Variants in OPCML observed in about 807,000 individuals in gnomAD.
OPCML encodes opioid-binding protein/cell adhesion molecule.
In OPCML, 13 loss-of-function variants were observed where a neutral mutation model predicts 37.8. The ratio of observed to expected loss-of-function variants is 0.34; its 90% CI spans 0.22 to 0.55. The LOEUF is 0.55. Among genes scored for constraint, OPCML ranks in the 20% least tolerant of loss-of-function variants. The pLI is 0.91. For synonymous variants in OPCML, 176 were observed against 168.8 expected, an observed-to-expected ratio of 1.04 and a Z score of -0.33; for missense variants, 341 against 435.6, an observed-to-expected ratio of 0.78 and a Z score of 1.93.
intron 2 of OPCML, among the ~76,000 whole-genome samples, chr11:132,758,747 C>T (rs1200458057): frequency 2.6e-5 from 4 of 152,276 alleles, no homozygotes; most frequent in South Asian, 4.1e-4. Flanking sequence ...CATCTGCAAA[C>T]GGAGACATTT....
chr11:133,124,079 C>T (rs1276664651), intron 1 of OPCML, among the ~76,000 whole-genome samples: 1 of 151,732 alleles, frequency 6.6e-6, no homozygotes, highest in Admixed American at 6.6e-5. Context: ...AGGTGGGTAC[C>T]CAATGGAGAG....
At chr11:133,319,887 GAGT>G (rs975835368) in intron 1 of OPCML, among the ~76,000 whole-genome samples, 8 of 152,180 alleles carry the variant, frequency 5.3e-5, no homozygotes, top group African/African-American at 1.9e-4. Context: ...TAATTTATTT[GAGT>G]AGTTCAGAAA....
intron 2 of OPCML, among the ~76,000 whole-genome samples, chr11:132,892,794 A>G (rs12222239): frequency 0.16 from 23,881 of 152,096 alleles, 2,549 homozygotes; most frequent in African/African-American, 0.3. Context: ...TTCCAATAAT[A>G]TGTGTGACTG....
chr11:133,375,581 C>T (rs776559328), intron 1 of OPCML, among the ~76,000 whole-genome samples: 2 of 152,118 alleles, frequency 1.3e-5, no homozygotes, highest in Non-Finnish European at 2.9e-5. Flanking sequence ...GATGTGATCT[C>T]GTTGTATAGC....
chr11:132,821,520 A>G (rs1939984734), intron 2 of OPCML, among the ~76,000 whole-genome samples: 1 of 152,238 alleles, frequency 6.6e-6, no homozygotes, highest in Non-Finnish European at 1.5e-5. Flanking sequence ...TCCCTCCTGG[A>G]AAGACTGGAA....
chr11:133,310,421 C>A (rs1459420444), intron 1 of OPCML, among the ~76,000 whole-genome samples: 1 of 152,094 alleles, frequency 6.6e-6, no homozygotes, highest in Non-Finnish European at 1.5e-5. Flanking sequence ...AAAGGCATTT[C>A]CCTTAGTTTA....
At chr11:132,514,603 G>A (rs1169080024) in intron 4 of OPCML, among the ~76,000 whole-genome samples, 1 of 152,138 alleles carries the variant, frequency 6.6e-6, no homozygotes, top group African/African-American at 2.4e-5. Flanking sequence ...TCCTTAGACA[G>A]AATCAGAGGT....
chr11:133,285,005 C>T (rs974320437), intron 1 of OPCML, among the ~76,000 whole-genome samples: 5 of 151,798 alleles, frequency 3.3e-5, no homozygotes, highest in African/African-American at 4.8e-5. Context: ...ACTTACAACT[C>T]TATATGTTAC....
At chr11:133,078,490 A>G (rs918256535) in intron 1 of OPCML, among the ~76,000 whole-genome samples, 8 of 152,224 alleles carry the variant, frequency 5.3e-5, no homozygotes, top group Non-Finnish European at 8.8e-5. Context: ...AAAGAAAGGA[A>G]TATGTTTCAG....
intron 1 of OPCML, among the ~76,000 whole-genome samples, chr11:133,320,372 C>T (rs1366480274): frequency 6.6e-6 from 1 of 152,146 alleles, no homozygotes; most frequent in African/African-American, 2.4e-5. Flanking sequence ...GGTTTTGGGT[C>T]CTAAATTTGC....
chr11:133,403,397 G>A (rs1327026096), intron 1 of OPCML, among the ~76,000 whole-genome samples: 4 of 152,130 alleles, frequency 2.6e-5, no homozygotes, highest in African/African-American at 7.2e-5. Flanking sequence ...ATGAGTAAAC[G>A]TCTGTTCAAG....
chr11:132,612,590 G>A (rs1938722020), intron 3 of OPCML, among the ~76,000 whole-genome samples: 1 of 152,114 alleles, frequency 6.6e-6, no homozygotes, highest in African/African-American at 2.4e-5. Context: ...GCAGGGCAAG[G>A]ACATAAGACA....
chr11:133,289,594 CAAAAAAAAAAAA>C (rs1229577687), intron 1 of OPCML, among the ~76,000 whole-genome samples: 10 of 52,292 alleles, frequency 1.9e-4, no homozygotes, highest in African/African-American at 7.5e-4. Flanking sequence ...GACTCCATCT[CAAAAAAAAAAAA>C]AAAAAAAAAA....
chr11:133,403,371 C>A (rs1409489451), intron 1 of OPCML, among the ~76,000 whole-genome samples: 8 of 152,186 alleles, frequency 5.3e-5, no homozygotes, highest in African/African-American at 1.9e-4. Context: ...CACAACAGGC[C>A]ATTTGATAAA....
intron 1 of OPCML, among the ~76,000 whole-genome samples, chr11:133,240,212 C>CAA (rs35643678): frequency 0.023 from 1,499 of 65,456 alleles, 45 homozygotes; most frequent in South Asian, 0.038. Flanking sequence ...ACACTTGGGG[C>CAA]AAAAAAAAAA....
At chr11:133,436,355 G>C (rs1039019166) in intron 1 of OPCML, among the ~76,000 whole-genome samples, 3 of 152,188 alleles carry the variant, frequency 2.0e-5, no homozygotes, top group African/African-American at 7.2e-5. Context: ...GAGGCAACGG[G>C]TAAGGAACCG....
intron 1 of OPCML, among the ~76,000 whole-genome samples, chr11:133,401,052 T>C (rs1259287647): frequency 1.3e-5 from 2 of 152,186 alleles, no homozygotes; most frequent in Non-Finnish European, 2.9e-5. Flanking sequence ...CGAGTCTACA[T>C]AGCAGCAATT....
At chr11:132,841,441 C>T (rs1941281833) in intron 2 of OPCML, among the ~76,000 whole-genome samples, 1 of 152,126 alleles carries the variant, frequency 6.6e-6, no homozygotes, top group Non-Finnish European at 1.5e-5. Context: ...TGCCAAGGCC[C>T]AGGGGGGTTA....
chr11:133,156,909 A>C lies in OPCML; in HGVS notation c.62-213899T>G, dbSNP rs144181015. ...GTTTCTCTCTTGCTGGAGCTGGACT[A>C]AGAACACCTGGAAACCCTGCCTCTC... On this transcript the variant is annotated intron_variant, in intron 1 of 7. Transcript: ENST00000524381. Among the ~76,000 whole-genome samples, 1,132 of 152,196 alleles carry C rather than the reference A, an allele frequency of 7.4e-3. 4 individuals carry two copies. The highest frequency in any genetic ancestry group is 0.015 in the African/African-American group (610 of 41,526).
Sources: gnomAD v4.1 joint callset for allele counts (sites outside exome capture counted in the v4.1 genomes callset) on GRCh38, gnomAD v4.1.1 for gene constraint, MANE v1.5 for transcripts, NCBI Gene and HGNC (gene_info 2026-07-23, HGNC 2026-07-21) for gene names.